The following SLFN12 variants were observed in gnomAD, a reference collection of about 807,000 sequenced individuals.
SLFN12 encodes the protein schlafen family member 12.
SLFN12 carries 25 observed loss-of-function variants against 29.1 expected under a neutral mutation model. The ratio of observed to expected loss-of-function variants is 0.86; its 90% CI spans 0.63 to 1.20. The LOEUF is 1.20. Among genes scored for constraint, SLFN12 ranks in the 50% most tolerant of loss-of-function variants. The probability of loss-of-function intolerance (pLI) is 0.00; values close to 1 mark genes in which losing one functional copy is unlikely to be tolerated. For missense variants in SLFN12, 660 were observed against 666.2 expected (o/e 0.99, Z 0.10); for synonymous variants, 257 against 238.7 (o/e 1.08, Z -0.71).
chr17:35,411,879 A>G lies in SLFN12; in HGVS notation c.1196T>C (p.Leu399Pro), dbSNP rs759034922. ...TYTPENLCRK[L>P]FLQHEGLKQL... is the part of the protein sequence containing the mutation. The stretch of plus-strand genomic sequence containing the variant: ...CTTAAGTCCTTCATGTTGTAAGAAC[A>G]GTTTTCTGCAAAGGTTTTCTGGAGT... Residue 399 changes from leucine (L) to proline (P), a missense_variant, in exon 4 of 4, where the codon CTG becomes CCG. Leu to Pro is a moderately conservative substitution (Grantham distance 98). Transcript: ENST00000304905. The G allele has an allele frequency of 1.9e-6, 3 of 1,613,280 alleles. No homozygotes were observed. Among genetic ancestry groups the G allele is most frequent in the Non-Finnish European group, 2.5e-6 (3 of 1,179,786 alleles).
chr17:35,429,092 C>T (rs1912168579), intron 1 of SLFN12, among the ~76,000 whole-genome samples: 1 of 152,172 alleles, frequency 6.6e-6, no homozygotes, highest in Admixed American at 6.5e-5. Flanking sequence ...TAACTAGAGT[C>T]TTGTCCCCTT....
chr17:35,415,583 G>A (rs1391256269), intron 3 of SLFN12, among the ~76,000 whole-genome samples: 2 of 152,130 alleles, frequency 1.3e-5, no homozygotes, highest in African/African-American at 4.8e-5. Context: ...AATCCACAGA[G>A]TGGGAGAAAA....
Position 35,411,753 on chromosome 17 carries a change from A to G in SLFN12, c.1322T>C (p.Leu441Pro). Reference protein sequence around the residue: ...DLGLQENHKVLCDALLISQDS... With the variant: ...DLGLQENHKVPCDALLISQDS... Reference sequence around the variant, plus strand: ...CTGGGAAATCAGAAGAGCATCACAGAGGACTTTGTGGTTCTCTTGCAAGCC... The same window carrying G: ...CTGGGAAATCAGAAGAGCATCACAGGGGACTTTGTGGTTCTCTTGCAAGCC... Residue 441 changes from leucine to proline, a missense_variant, in exon 4 of 4, where the codon CTC becomes CCC. Coordinates refer to ENST00000304905, the MANE Select transcript of SLFN12 (RefSeq NM_018042.5). 1 of 1,614,084 alleles carries G rather than the reference A, an allele frequency of 6.2e-7. No individual in the cohort carries two copies. The highest frequency in any genetic ancestry group is 8.5e-7 in the Non-Finnish European group (1 of 1,180,014).
intron 3 of SLFN12, among the ~76,000 whole-genome samples, chr17:35,419,958 A>T (rs1363646056): frequency 1.3e-5 from 2 of 152,198 alleles, no homozygotes; most frequent in Non-Finnish European, 1.5e-5. Flanking sequence ...AACTGAACAT[A>T]GCTATGCCTG....
chr17:35,412,307 G>T (rs766820893), intron 3 of SLFN12, among the ~76,000 whole-genome samples: 1 of 152,096 alleles, frequency 6.6e-6, no homozygotes, highest in Non-Finnish European at 1.5e-5. Context: ...CTGCAGAGAA[G>T]AAGCCAAAGT....
Position 35,420,352 on chromosome 17 carries a change from A to G in SLFN12, c.1069T>C (p.Ser357Pro), listed in dbSNP as rs770648023. Residue 357 changes from serine to proline, a missense_variant, in exon 3 of 4, where the codon TCT becomes CCT. Coordinates refer to ENST00000304905, the MANE Select transcript of SLFN12 (RefSeq NM_018042.5). ...KFSSSYEEVI[S>P]QINTSLPAPH... is the part of the protein sequence containing the mutation. ...GCAGGTAATGACGTATTTATTTGAG[A>G]GATCACCTCTTCATATGAACTGGAA... 2.5e-6 allele frequency: 4 copies of G among 1,613,654 alleles called. No individual in the cohort carries two copies. The highest frequency in any genetic ancestry group is 3.4e-6 in the Non-Finnish European group (4 of 1,179,712).
rs146554543 is a variant in SLFN12, at chr17:35,422,174, A to C, written c.855T>G (p.Tyr285Ter). ...HFCMEKKKIN[Y>*]SCKFLGVYDK... is the part of the protein sequence containing the mutation. Reference sequence around the variant, plus strand: ...CATATACTCCAAGGAATTTGCATGAATAATTTATCTTCTTCTTCTCCATAC... The same window carrying C: ...CATATACTCCAAGGAATTTGCATGACTAATTTATCTTCTTCTTCTCCATAC... Residue 285 changes from tyrosine (Y) to a stop codon, truncating the protein, a stop_gained, in exon 2 of 4, where the codon TAT becomes TAG. Coordinates refer to ENST00000304905, the MANE Select transcript of SLFN12 (RefSeq NM_018042.5). LOFTEE classifies it high-confidence loss of function. 550 of 1,614,132 alleles carry C rather than the reference A, an allele frequency of 3.4e-4. 1 individual carries two copies. Among genetic ancestry groups the C allele is most frequent in the Non-Finnish European group, 4.5e-4 (536 of 1,180,006 alleles).
At chr17:35,418,447 C>A (rs1421414951) in intron 3 of SLFN12, among the ~76,000 whole-genome samples, 2 of 152,056 alleles carry the variant, frequency 1.3e-5, no homozygotes, top group African/African-American at 2.4e-5. Context: ...TCCATTTACA[C>A]CTAATTTATA....
chr17:35,420,316 A>G lies in SLFN12; in HGVS notation c.1105T>C (p.Trp369Arg). 6.2e-7 allele frequency: 1 copy of G among 1,613,922 alleles called. No homozygotes were observed. Among genetic ancestry groups the G allele is most frequent in the South Asian group, 1.1e-5 (1 of 91,080 alleles). ...INTSLPAPHS[W>R]PLLEWQRQRH... ...TGCCGTTGCCATTCCAAAAGAGGCC[A>G]ACTGTGGGGAGCAGGTAATGACGTA... Residue 369 changes from tryptophan (W) to arginine (R), a missense_variant, in exon 3 of 4, where the codon TGG becomes CGG. By Grantham distance (101) the Trp-to-Arg change is moderately radical. Transcript: ENST00000304905.
intron 3 of SLFN12, among the ~76,000 whole-genome samples, chr17:35,418,326 A>T (rs1415868407): frequency 6.6e-6 from 1 of 152,134 alleles, no homozygotes; most frequent in Admixed American, 6.5e-5. Context: ...GCATGGGTCC[A>T]CTTACGCCAA....
At chr17:35,423,162 A>G (rs1187530053) in intron 1 of SLFN12, 94 bp from the exon 2 acceptor site, 7 of 1,387,588 alleles carry the variant, frequency 5.0e-6, no homozygotes, top group Non-Finnish European at 6.7e-6. Context: ...CCTGTGCTGT[A>G]TATATTCTAC....
intron 3 of SLFN12, among the ~76,000 whole-genome samples, chr17:35,414,011 A>C (rs564504221): frequency 1.4e-3 from 210 of 152,190 alleles, no homozygotes; most frequent in African/African-American, 4.8e-3. Flanking sequence ...ATATATAAAA[A>C]ACCTAGAGCT....
intron 3 of SLFN12, among the ~76,000 whole-genome samples, chr17:35,412,232 T>C (rs115818191): frequency 1.7e-3 from 252 of 152,190 alleles, no homozygotes; most frequent in African/African-American, 5.7e-3. Flanking sequence ...ATCAGTCTTA[T>C]TAGGCTGAGG....
intron 1 of SLFN12, chr17:35,430,567 G>C (rs1250513972): frequency 6.6e-6 from 1 of 152,072 alleles, no homozygotes; most frequent in Non-Finnish European, 1.5e-5. Context: ...CAGTTGAAGA[G>C]AGACCATTTG....
At chr17:35,421,599 G>C (rs553259388) in intron 2 of SLFN12, among the ~76,000 whole-genome samples, 1 of 145,102 alleles carries the variant, frequency 6.9e-6, no homozygotes, top group Non-Finnish European at 1.5e-5. Flanking sequence ...GAGTGCAGTG[G>C]CGCAATCTCC....
intron 1 of SLFN12, among the ~76,000 whole-genome samples, chr17:35,426,227 T>A (rs1350783569): frequency 6.6e-6 from 1 of 152,072 alleles, no homozygotes; most frequent in African/African-American, 2.4e-5. Flanking sequence ...ACAAATGTTT[T>A]CTTTCATTCT....
Position 35,411,308 on chromosome 17 carries a change from A to C in SLFN12, c.*30T>G. 7.2e-7 allele frequency: 1 copy of C among 1,380,506 alleles called. No individual in the cohort carries two copies. The highest frequency in any genetic ancestry group is 9.8e-7 in the Non-Finnish European group (1 of 1,023,158). The allele number at this position is 1,380,506 out of a possible 1,614,324, so 85.5% of individuals were successfully genotyped here. A position where few individuals can be genotyped will look rare whatever the true frequency, so the allele number is the denominator to read the frequency against. On this transcript the variant is annotated 3_prime_UTR_variant, in exon 4 of 4. Transcript: ENST00000304905. ...AGAATGTTATCAAATATATAATGAA[A>C]AATATCTCAGTAGCCCAGTCCATTT...
At position 35,420,669 on chromosome 17, in the gene SLFN12, A is replaced by T. The variant is rs1057166703; in HGVS notation, c.1040-288T>A. 2.6e-5 allele frequency: 6 copies of T among 231,258 alleles called. No homozygotes were observed. The Admixed American group carries it at 2.8e-4, about 11-fold the overall frequency. The allele number at this position is 231,258 out of a possible 1,614,324, so 14.3% of individuals were successfully genotyped here. ...TTATTTTTAAAGCAGTTAAAATGAG[A>T]CGTGATGGCTAGTGAAGGAAAGCTG... On this transcript the variant is annotated intron_variant, in intron 2 of 3. Coordinates refer to ENST00000304905, the MANE Select transcript of SLFN12 (RefSeq NM_018042.5).
upstream of SLFN12, chr17:35,432,668 T>G (rs1360175860): frequency 2.6e-5 from 4 of 152,204 alleles, no homozygotes. Flanking sequence ...GTTTTTCATC[T>G]GCCATGTAGA....
Sources: allele counts gnomAD v4.1 joint callset (sites outside exome capture counted in the v4.1 genomes callset), GRCh38; gene constraint gnomAD v4.1.1; transcripts MANE v1.5; gene names NCBI Gene and HGNC (gene_info 2026-07-23, HGNC 2026-07-21).